MAGI2: variants seen among roughly 807,000 people sequenced by gnomAD.
The protein encoded by MAGI2 is membrane associated guanylate kinase, WW and PDZ domain containing 2.
In MAGI2, 35 loss-of-function variants were observed where a neutral mutation model predicts 133.3. That is an observed-to-expected ratio of 0.26 (90% CI 0.20 to 0.35). The LOEUF (loss-of-function observed/expected upper bound fraction) is 0.35, where lower values mean the gene tolerates loss of function less well. Among genes scored for constraint, MAGI2 ranks in the 10% least tolerant of loss-of-function variants. MAGI2 has a pLI of 1.00. For missense variants in MAGI2, 1,636 were observed against 1,863.4 expected, an observed-to-expected ratio of 0.88 and a Z score of 2.25; for synonymous variants, 729 against 710.6, an observed-to-expected ratio of 1.03 and a Z score of -0.41.
chr7:78,936,632 C>T (rs966531088), intron 2 of MAGI2, among the ~76,000 whole-genome samples: 3 of 151,894 alleles, frequency 2.0e-5, no homozygotes, highest in African/African-American at 7.2e-5. Context: ...CTCATGTAAA[C>T]ATACAAATTA....
chr7:78,387,962 A>C (rs1006648218), intron 6 of MAGI2, among the ~76,000 whole-genome samples: 4 of 126,774 alleles, frequency 3.2e-5, no homozygotes, highest in Admixed American at 7.4e-5. Context: ...ATAAATAAAT[A>C]AATAAATAAA....
intron 1 of MAGI2, among the ~76,000 whole-genome samples, chr7:79,234,856 G>A (rs1357413194): frequency 6.6e-6 from 1 of 151,638 alleles, no homozygotes; most frequent in Non-Finnish European, 1.5e-5. Flanking sequence ...TTCCTTTGGA[G>A]GAGGAGAGGC....
chr7:78,300,943 A>C, intron 9 of MAGI2, among the ~76,000 whole-genome samples: 1 of 152,224 alleles, frequency 6.6e-6, no homozygotes, highest in Admixed American at 6.5e-5. Context: ...TAGCCAAAAC[A>C]TATTGAGTCT....
intron 3 of MAGI2, among the ~76,000 whole-genome samples, chr7:78,620,945 C>G (rs1807666277): frequency 6.6e-6 from 1 of 151,900 alleles, no homozygotes; most frequent in Admixed American, 6.6e-5. Flanking sequence ...AAGCACAGAT[C>G]AGGGGAGGTA....
intron 6 of MAGI2, among the ~76,000 whole-genome samples, chr7:78,405,833 CAATA>C (rs1403202098): frequency 6.6e-6 from 1 of 151,866 alleles, no homozygotes; most frequent in Admixed American, 6.6e-5. Flanking sequence ...CTATTAAGCA[CAATA>C]AATAGACAAT....
At chr7:78,639,936 A>G (rs1810101797) in intron 2 of MAGI2, among the ~76,000 whole-genome samples, 1 of 152,216 alleles carries the variant, frequency 6.6e-6, no homozygotes, top group South Asian at 2.1e-4. Flanking sequence ...CAGCCTGTAG[A>G]TAACTGCATG....
intron 7 of MAGI2, among the ~76,000 whole-genome samples, chr7:78,362,813 T>C (rs1471169060): frequency 2.0e-5 from 3 of 152,222 alleles, no homozygotes; most frequent in African/African-American, 4.8e-5. Context: ...AGTATAAAAA[T>C]TGAACAAACT....
At chr7:78,266,277 TG>T (rs1793994529) in intron 9 of MAGI2, among the ~76,000 whole-genome samples, 1 of 152,176 alleles carries the variant, frequency 6.6e-6, no homozygotes, top group Admixed American at 6.5e-5. Context: ...CCCGGCTCAC[TG>T]CAGTCTTGAC....
At chr7:79,160,711 G>T (rs367845135) in intron 1 of MAGI2, among the ~76,000 whole-genome samples, 1 of 152,160 alleles carries the variant, frequency 6.6e-6, no homozygotes, top group African/African-American at 2.4e-5. Flanking sequence ...TCCTGAGAAA[G>T]GGTCTTCCCA....
chr7:79,311,171 A>C (rs149634911), intron 1 of MAGI2, among the ~76,000 whole-genome samples: 80 of 152,224 alleles, frequency 5.3e-4, no homozygotes, highest in Admixed American at 7.2e-4. Flanking sequence ...TGCTAAAACC[A>C]ATGATCAATT....
chr7:78,165,331 AT>A (rs150772834), intron 15 of MAGI2, among the ~76,000 whole-genome samples: 14,826 of 152,058 alleles, frequency 0.098, 797 homozygotes, highest in East Asian at 0.17. Context: ...TCTCAAAAAA[AT>A]TTTTTGCCTT....
intron 2 of MAGI2, among the ~76,000 whole-genome samples, chr7:78,651,336 A>G (rs1454423016): frequency 6.6e-6 from 1 of 152,048 alleles, no homozygotes; most frequent in Non-Finnish European, 1.5e-5. Flanking sequence ...TACTTGGATA[A>G]TAGAGATGAG....
intron 21 of MAGI2, among the ~76,000 whole-genome samples, chr7:78,070,624 G>A (rs1339539990): frequency 9.6e-6 from 1 of 103,756 alleles, no homozygotes; most frequent in Non-Finnish European, 2.0e-5. Flanking sequence ...ATATGTGTGT[G>A]TGTGTGTATA....
intron 20 of MAGI2, among the ~76,000 whole-genome samples, chr7:78,087,468 G>C (rs1486868080): frequency 2.0e-5 from 3 of 151,322 alleles, no homozygotes; most frequent in Non-Finnish European, 4.4e-5. Context: ...ATTAACAATA[G>C]ATCATTATAA....
chr7:78,555,200 G>GGATAGATA (rs201538875), intron 3 of MAGI2, among the ~76,000 whole-genome samples: 4,106 of 92,668 alleles, frequency 0.044, 79 homozygotes, highest in Non-Finnish European at 0.057. Context: ...TTGGATGGAT[G>GGATAGATA]GATAGATAGA....
chr7:78,892,717 C>T (rs2151573733), intron 2 of MAGI2, among the ~76,000 whole-genome samples: 1 of 152,276 alleles, frequency 6.6e-6, no homozygotes, highest in South Asian at 2.1e-4. Context: ...ACACCTTACA[C>T]AAAAATTAAT....
intron 1 of MAGI2, chr7:79,415,304 T>C (rs1260691146): frequency 1.3e-5 from 2 of 152,066 alleles, no homozygotes; most frequent in East Asian, 3.9e-4. Context: ...TCTCTTAGAG[T>C]TGAGGGAGGC....
chr7:78,440,412 G>A (rs927580052), intron 6 of MAGI2, among the ~76,000 whole-genome samples: 24 of 152,116 alleles, frequency 1.6e-4, no homozygotes, highest in Non-Finnish European at 2.9e-4. Flanking sequence ...GAAACCATGA[G>A]GGTCTGGGCT....
chr7:78,531,479 T>C (rs1797467256), intron 3 of MAGI2, among the ~76,000 whole-genome samples: 5 of 152,164 alleles, frequency 3.3e-5, no homozygotes. Flanking sequence ...CCCAAAGTAC[T>C]GGGATTACAG....
Sources: allele counts gnomAD v4.1 joint callset (sites outside exome capture counted in the v4.1 genomes callset), GRCh38; gene constraint gnomAD v4.1.1; transcripts MANE v1.5; gene names NCBI Gene and HGNC (gene_info 2026-07-23, HGNC 2026-07-21).